The following MAD1L1 variants were observed in gnomAD, a reference collection of about 807,000 sequenced individuals.
MAD1L1 encodes mitotic arrest deficient 1 like 1.
MAD1L1 carries 95 observed loss-of-function variants against 96.9 expected under a neutral mutation model. The ratio of observed to expected loss-of-function variants is 0.98; its 90% confidence interval spans 0.83 to 1.16. The LOEUF (loss-of-function observed/expected upper bound fraction) is 1.16, where lower values mean the gene tolerates loss of function less well. Ranked by LOEUF, MAD1L1 falls within the 50% of genes most tolerant of loss-of-function variation. The probability of loss-of-function intolerance (pLI) is 0.00; values close to 1 mark genes in which losing one functional copy is unlikely to be tolerated. For missense variants in MAD1L1, 1,007 were observed against 954.4 expected (o/e 1.06, Z -0.73); for synonymous variants, 473 against 396.6 (o/e 1.19, Z -2.29).
At chr7:2,080,870 G>A (rs937051840) in intron 11 of MAD1L1, among the ~76,000 whole-genome samples, 2 of 152,258 alleles carry the variant, frequency 1.3e-5, no homozygotes, top group African/African-American at 4.8e-5. Context: ...CACAAATGCT[G>A]GGGGAGAGTG....
intron 17 of MAD1L1, among the ~76,000 whole-genome samples, chr7:1,923,209 C>T (rs776682151): frequency 7.2e-5 from 11 of 152,162 alleles, no homozygotes; most frequent in East Asian, 5.8e-4. Context: ...ATTAATGAGA[C>T]GATCTATTTC....
At position 2,197,897 on chromosome 7, in the gene MAD1L1, GGGTCCCAGCCCCCA is replaced by G. The variant is rs776322150; in HGVS notation, c.986+15301_986+15314del. On this transcript the variant is annotated intron_variant, in intron 10 of 18. Transcript: ENST00000265854. ...AGAGCCAAAACTGGTCCTAGCCCCC[GGGTCCCAGCCCCCA>G]GGTCCCAGCCCCCAGGCCCCAGCCT... Among the ~76,000 whole-genome samples the G allele has an allele frequency of 1.0e-3, 156 of 151,774 alleles. 1 individual carries two copies. The highest frequency in any genetic ancestry group is 3.3e-3 in the African/African-American group (135 of 41,346).
intron 11 of MAD1L1, among the ~76,000 whole-genome samples, chr7:2,136,869 G>A (rs1388108234): frequency 6.6e-6 from 1 of 152,202 alleles, no homozygotes; most frequent in African/African-American, 2.4e-5. Context: ...CCAGCTTCAA[G>A]GCTAAGAAGG....
At chr7:2,100,695 A>G (rs4719432) in intron 11 of MAD1L1, among the ~76,000 whole-genome samples, 59,955 of 152,182 alleles carry the variant, frequency 0.39, 13,046 homozygotes, top group East Asian at 0.6. Flanking sequence ...GCGTCCACCC[A>G]AGCCCCAGGT....
chr7:2,209,780 C>G (rs1012682506), intron 10 of MAD1L1, among the ~76,000 whole-genome samples: 4 of 152,190 alleles, frequency 2.6e-5, no homozygotes, highest in African/African-American at 9.6e-5. Context: ...CAGGGCACTC[C>G]CAGCCACAGA....
intron 11 of MAD1L1, among the ~76,000 whole-genome samples, chr7:2,110,565 G>A (rs1223415768): frequency 2.6e-5 from 4 of 152,214 alleles, no homozygotes; most frequent in Admixed American, 6.5e-5. Flanking sequence ...AAACTCTGGA[G>A]TGACTCAGAC....
chr7:1,928,033 C>T (rs2128459316), intron 17 of MAD1L1, among the ~76,000 whole-genome samples: 1 of 152,294 alleles, frequency 6.6e-6, no homozygotes, highest in East Asian at 1.9e-4. Context: ...CCAGCTCGTG[C>T]CCGAGGCCTT....
At chr7:2,188,765 G>T (rs1275883959) in intron 10 of MAD1L1, among the ~76,000 whole-genome samples, 2 of 152,008 alleles carry the variant, frequency 1.3e-5, no homozygotes, top group African/African-American at 4.8e-5. Context: ...TATGACATGG[G>T]ATTTGGCACA....
At chr7:1,917,922 G>A (rs749808381) in intron 17 of MAD1L1, among the ~76,000 whole-genome samples, 6 of 152,140 alleles carry the variant, frequency 3.9e-5, no homozygotes, top group South Asian at 2.1e-4. Flanking sequence ...GACGGAGGGC[G>A]GCCCTGACTG....
intron 3 of MAD1L1, 82 bp from the exon 4 acceptor site, chr7:2,225,632 C>G (rs1185885565): frequency 6.9e-7 from 1 of 1,457,074 alleles, no homozygotes; most frequent in Non-Finnish European, 9.4e-7. Flanking sequence ...AGCAGACACA[C>G]TCCCTGAGGA....
At chr7:1,923,803 G>C (rs1289215565) in intron 17 of MAD1L1, among the ~76,000 whole-genome samples, 1 of 152,234 alleles carries the variant, frequency 6.6e-6, no homozygotes, top group Non-Finnish European at 1.5e-5. Flanking sequence ...CTGGGCATGG[G>C]GCTCTGACCC....
At chr7:2,130,642 A>C (rs933586941) in intron 11 of MAD1L1, among the ~76,000 whole-genome samples, 2 of 152,190 alleles carry the variant, frequency 1.3e-5, no homozygotes, top group African/African-American at 4.8e-5. Flanking sequence ...AGGGGGAAAA[A>C]GTTAAGCCCC....
At chr7:2,122,890 C>T (rs1788046585) in intron 11 of MAD1L1, among the ~76,000 whole-genome samples, 1 of 152,222 alleles carries the variant, frequency 6.6e-6, no homozygotes, top group Non-Finnish European at 1.5e-5. Flanking sequence ...CGCCGTCCAC[C>T]CAGCGCCCCT....
At chr7:2,159,632 A>C (rs1054912114) in intron 10 of MAD1L1, among the ~76,000 whole-genome samples, 1 of 152,230 alleles carries the variant, frequency 6.6e-6, no homozygotes, top group African/African-American at 2.4e-5. Flanking sequence ...AAATACTAAG[A>C]GAATGAGCAA....
At chr7:1,872,346 T>C (rs919389547) in intron 18 of MAD1L1, among the ~76,000 whole-genome samples, 1 of 152,288 alleles carries the variant, frequency 6.6e-6, no homozygotes, top group Non-Finnish European at 1.5e-5. Flanking sequence ...CCCCAGGAAG[T>C]GAGGCCCCTG....
At chr7:2,139,742 C>G (rs942817524) in intron 11 of MAD1L1, among the ~76,000 whole-genome samples, 10 of 152,224 alleles carry the variant, frequency 6.6e-5, no homozygotes, top group African/African-American at 1.9e-4. Flanking sequence ...CCAGCAGGGG[C>G]CAGTGTGAGG....
chr7:1,984,589 C>T (rs1376200037), intron 14 of MAD1L1, among the ~76,000 whole-genome samples: 1 of 152,234 alleles, frequency 6.6e-6, no homozygotes, highest in African/African-American at 2.4e-5. Context: ...CCATCTGAAC[C>T]TCACTGTGAA....
rs1046086508 is a variant in MAD1L1 at position 2,142,749 on chromosome 7, A to G, written c.1073+6403T>C. Among the ~76,000 whole-genome samples the G allele has an allele frequency of 2.0e-5, 3 of 152,244 alleles. No homozygotes were observed. The highest frequency in any genetic ancestry group is 4.8e-5 in the African/African-American group (2 of 41,468). On this transcript the variant is annotated intron_variant, in intron 11 of 18. Transcript: ENST00000265854. The surrounding 1 kb of genome is among the most constrained non-coding windows in gnomAD (Gnocchi z 4.7). ...CGCAACAAGGCCTCTGGCCATGTCA[A>G]ACCCCAGGGGCCCCCTTATGCCGAG...
chr7:2,198,742 T>C (rs1044278877), intron 10 of MAD1L1, among the ~76,000 whole-genome samples: 3 of 152,140 alleles, frequency 2.0e-5, no homozygotes, highest in Admixed American at 1.3e-4. Context: ...CAGAGCCACA[T>C]GCTCTTGGTA....
Sources: allele counts gnomAD v4.1 joint callset (sites outside exome capture counted in the v4.1 genomes callset), GRCh38; gene constraint gnomAD v4.1.1; non-coding constraint Gnocchi (gnomAD v3.1); transcripts MANE v1.5; gene names NCBI Gene and HGNC (gene_info 2026-07-23, HGNC 2026-07-21).